BBS9: variants seen among roughly 807,000 people sequenced by gnomAD.
BBS9 encodes the protein protein PTHB1.
BBS9 carries 89 observed loss-of-function variants against 117.7 expected under a neutral mutation model. That is an observed-to-expected ratio of 0.76 (90% confidence interval 0.64 to 0.90). The LOEUF is 0.90. Among genes scored for constraint, BBS9 ranks in the 40% least tolerant of loss-of-function variants. The pLI is 0.00. For synonymous variants in BBS9, 379 were observed against 370.9 expected (o/e 1.02, Z -0.25); for missense variants, 982 against 1,042.2 (o/e 0.94, Z 0.80).
chr7:33,465,454 T>C (rs528485787), intron 19 of BBS9, among the ~76,000 whole-genome samples: 119 of 152,222 alleles, frequency 7.8e-4, no homozygotes, highest in African/African-American at 2.7e-3. Context: ...CTTTAGTTAA[T>C]ACAGTGAAGG....
At chr7:33,315,339 C>G (rs1212974681) in intron 9 of BBS9, among the ~76,000 whole-genome samples, 1 of 152,154 alleles carries the variant, frequency 6.6e-6, no homozygotes, top group Non-Finnish European at 1.5e-5. Flanking sequence ...ACAAGGCTCT[C>G]TCCCCTGTGT....
At chr7:33,584,722 A>G (rs1018918143) in intron 21 of BBS9, among the ~76,000 whole-genome samples, 1 of 152,148 alleles carries the variant, frequency 6.6e-6, no homozygotes, top group African/African-American at 2.4e-5. Context: ...TGGATTTTGC[A>G]TACATATACA....
intron 1 of BBS9, among the ~76,000 whole-genome samples, chr7:33,141,761 T>C (rs906992914): frequency 6.6e-6 from 1 of 152,160 alleles, no homozygotes; most frequent in African/African-American, 2.4e-5. Context: ...TAGCTCCTCA[T>C]AGTTACACCC....
chr7:33,505,494 A>T lies in BBS9; in HGVS notation c.2147A>T (p.Asn716Ile), dbSNP rs1259085778. 6.2e-7 allele frequency: 1 copy of T among 1,614,154 alleles called. No individual in the cohort carries two copies. The highest frequency in any genetic ancestry group is 2.2e-5 in the East Asian group (1 of 44,886). ...GCTCTAGCAGATGCAGTGGAGGAAA[A>T]CCAAGGCAATCTGTTCCAGTCATTC... ...VIALADAVEENQGNLFQSFTR... is the reference protein window; with the variant it reads ...VIALADAVEEIQGNLFQSFTR... The change falls in exon 20 of 23, where the codon AAC becomes ATC. Residue 716 changes from asparagine to isoleucine, a missense_variant. Asn to Ile is a moderately radical substitution (Grantham distance 149). Transcript: ENST00000242067.
At chr7:33,410,950 G>A (rs551710499) in intron 19 of BBS9, among the ~76,000 whole-genome samples, 64 of 137,214 alleles carry the variant, frequency 4.7e-4, no homozygotes, top group Non-Finnish European at 8.3e-4. Context: ...TCATGTATCC[G>A]TCTAATATAT....
intron 5 of BBS9, among the ~76,000 whole-genome samples, chr7:33,232,746 A>T (rs1562845625): frequency 6.6e-6 from 1 of 152,132 alleles, no homozygotes; most frequent in South Asian, 2.1e-4. Flanking sequence ...GTTCATGTAT[A>T]ATATATGGCC....
intron 10 of BBS9, among the ~76,000 whole-genome samples, chr7:33,339,735 G>A (rs1248705312): frequency 6.6e-6 from 1 of 152,024 alleles, no homozygotes; most frequent in African/African-American, 2.4e-5. Flanking sequence ...ACATGTGCCA[G>A]CTCTCTCCAC....
chr7:33,279,267 G>A (rs1292599238), intron 9 of BBS9, among the ~76,000 whole-genome samples: 1 of 152,108 alleles, frequency 6.6e-6, no homozygotes, highest in Non-Finnish European at 1.5e-5. Context: ...TTAGAGATGA[G>A]GACTCACCAT....
chr7:33,226,764 G>T (rs1353087667), intron 5 of BBS9, among the ~76,000 whole-genome samples: 3 of 152,170 alleles, frequency 2.0e-5, no homozygotes, highest in African/African-American at 7.2e-5. Flanking sequence ...GAGATATTAT[G>T]TTAAGTGAAA....
At chr7:33,451,335 T>C (rs930798911) in intron 19 of BBS9, among the ~76,000 whole-genome samples, 2 of 152,218 alleles carry the variant, frequency 1.3e-5, no homozygotes, top group African/African-American at 4.8e-5. Flanking sequence ...TCAGGTCTTA[T>C]GTTTCAGCCT....
intron 13 of BBS9, among the ~76,000 whole-genome samples, chr7:33,350,489 A>C (rs1465097242): frequency 2.0e-5 from 3 of 152,200 alleles, no homozygotes; most frequent in African/African-American, 7.2e-5. Context: ...GTTAACATAG[A>C]TGAGCACGCA....
At chr7:33,271,760 G>C (rs2128341854) in intron 7 of BBS9, among the ~76,000 whole-genome samples, 1 of 152,128 alleles carries the variant, frequency 6.6e-6, no homozygotes, top group South Asian at 2.1e-4. Flanking sequence ...AATAATAGTG[G>C]GAGACTTCAA....
intron 21 of BBS9, among the ~76,000 whole-genome samples, chr7:33,627,076 G>A (rs957849402): frequency 6.6e-6 from 1 of 152,240 alleles, no homozygotes; most frequent in African/African-American, 2.4e-5. Flanking sequence ...CCCATCATAG[G>A]CCCGGAGGGT....
chr7:33,238,014 G>A (rs1246889135), intron 5 of BBS9, among the ~76,000 whole-genome samples: 2 of 152,092 alleles, frequency 1.3e-5, no homozygotes, highest in African/African-American at 4.8e-5. Flanking sequence ...ATATACAGTG[G>A]ACATTGTTTG....
Position 33,358,047 on chromosome 7 carries a change from G to T in BBS9, c.1693+52G>T, listed in dbSNP as rs542456675. 856 of 1,574,928 alleles carry T rather than the reference G, an allele frequency of 5.4e-4. 8 individuals are homozygous for T. The highest frequency in any genetic ancestry group is 1.1e-4 in the Non-Finnish European group (125 of 1,147,636). On this transcript the variant is annotated intron_variant, in intron 16 of 22. Transcript: ENST00000242067. ...CAGCATCAAAAATGCTAAGAATTTA[G>T]AATGGAATCCTTCATCAGCAGATAA...
chr7:33,604,035 G>T (rs992645310), intron 21 of BBS9, among the ~76,000 whole-genome samples: 1 of 152,144 alleles, frequency 6.6e-6, no homozygotes, highest in Admixed American at 6.5e-5. Flanking sequence ...TTTGGACTCT[G>T]TGTGTGAGAA....
At chr7:33,366,735 G>C (rs1202212530) in intron 16 of BBS9, among the ~76,000 whole-genome samples, 1 of 151,586 alleles carries the variant, frequency 6.6e-6, no homozygotes, top group African/African-American at 2.4e-5. Flanking sequence ...TAGTAGAGAT[G>C]GGGTTTCACT....
intron 4 of BBS9, among the ~76,000 whole-genome samples, chr7:33,173,301 C>T (rs1223868907): frequency 1.3e-5 from 2 of 151,972 alleles, no homozygotes. Context: ...AAAAATTTGG[C>T]CGAGTGCAGT....
intron 9 of BBS9, among the ~76,000 whole-genome samples, chr7:33,296,117 CT>C (rs1269688112): frequency 6.6e-6 from 1 of 152,060 alleles, no homozygotes; most frequent in African/African-American, 2.4e-5. Flanking sequence ...ATTCAACACA[CT>C]TTAAAATGGG....
Sources: allele counts gnomAD v4.1 joint callset (sites outside exome capture counted in the v4.1 genomes callset), GRCh38; gene constraint gnomAD v4.1.1; transcripts MANE v1.5; gene names NCBI Gene and HGNC (gene_info 2026-07-23, HGNC 2026-07-21).